Variants in KCNQ5 observed in about 807,000 individuals in gnomAD.
The protein encoded by KCNQ5 is potassium voltage-gated channel subfamily KQT member 5.
In KCNQ5, 30 loss-of-function variants were observed where a neutral mutation model predicts 98.2. The ratio of observed to expected loss-of-function variants is 0.31; its 90% CI spans 0.23 to 0.41. KCNQ5 has a LOEUF of 0.41. KCNQ5 is among the 10% of genes least tolerant of loss of function. The pLI is 1.00. For synonymous variants in KCNQ5, 458 were observed against 449.4 expected (o/e 1.02, Z -0.24); for missense variants, 835 against 1,182.5 (o/e 0.71, Z 4.31).
intron 1 of KCNQ5, among the ~76,000 whole-genome samples, chr6:72,671,563 CT>C (rs1370352321): frequency 3.9e-5 from 6 of 152,086 alleles, no homozygotes; most frequent in African/African-American, 1.4e-4. Flanking sequence ...CTTGTGCTGC[CT>C]CTTGGGCTTA....
intron 1 of KCNQ5, among the ~76,000 whole-genome samples, chr6:72,843,630 G>A (rs1389221243): frequency 6.6e-6 from 1 of 152,034 alleles, no homozygotes; most frequent in Non-Finnish European, 1.5e-5. Context: ...GTAGAAGACA[G>A]TGTGGAAATT....
intron 1 of KCNQ5, among the ~76,000 whole-genome samples, chr6:72,943,860 G>A (rs1359391379): frequency 6.6e-6 from 1 of 152,210 alleles, no homozygotes; most frequent in Non-Finnish European, 1.5e-5. Context: ...GAGAGAGAAT[G>A]ACAGATAGAT....
At chr6:72,726,386 A>AT (rs1223549765) in intron 1 of KCNQ5, among the ~76,000 whole-genome samples, 1 of 151,148 alleles carries the variant, frequency 6.6e-6, no homozygotes, top group Non-Finnish European at 1.5e-5. Flanking sequence ...AATTCCCTGT[A>AT]TTTTTTTTAG....
intron 1 of KCNQ5, among the ~76,000 whole-genome samples, chr6:72,830,648 G>A (rs1283050153): frequency 6.6e-6 from 1 of 152,112 alleles, no homozygotes; most frequent in African/African-American, 2.4e-5. Flanking sequence ...GAAAACCTCG[G>A]CAATACCGTT....
intron 1 of KCNQ5, among the ~76,000 whole-genome samples, chr6:72,762,159 A>G (rs1483622230): frequency 6.6e-6 from 1 of 152,130 alleles, no homozygotes; most frequent in African/African-American, 2.4e-5. Flanking sequence ...ATGTGCTACC[A>G]TTCCATATAG....
At chr6:72,859,214 AAT>A (rs900311782) in intron 1 of KCNQ5, among the ~76,000 whole-genome samples, 3 of 152,126 alleles carry the variant, frequency 2.0e-5, no homozygotes, top group Non-Finnish European at 2.9e-5. Flanking sequence ...GTTTTATTAT[AAT>A]AGAGTTCTAT....
intron 1 of KCNQ5, among the ~76,000 whole-genome samples, chr6:72,752,541 C>T (rs139020341): frequency 5.4e-4 from 82 of 152,134 alleles, no homozygotes; most frequent in African/African-American, 1.9e-3. Context: ...TGGCTCTGCC[C>T]CACCCATTGA....
At chr6:72,897,102 T>C (rs1403843998) in intron 1 of KCNQ5, among the ~76,000 whole-genome samples, 1 of 151,870 alleles carries the variant, frequency 6.6e-6, no homozygotes, top group East Asian at 1.9e-4. Context: ...TGGGTAACGA[T>C]GGGAAGAGCA....
chr6:72,833,666 CTTGG>C (rs1776382469), intron 1 of KCNQ5, among the ~76,000 whole-genome samples: 1 of 151,928 alleles, frequency 6.6e-6, no homozygotes, highest in African/African-American at 2.4e-5. Context: ...TTCTTCTTTG[CTTGG>C]TTGATTTCTA....
At chr6:72,764,797 C>G (rs548309661) in intron 1 of KCNQ5, among the ~76,000 whole-genome samples, 19 of 152,028 alleles carry the variant, frequency 1.2e-4, no homozygotes, top group Non-Finnish European at 2.5e-4. Flanking sequence ...TAGTAACCAT[C>G]CTTCTAGTCT....
intron 1 of KCNQ5, among the ~76,000 whole-genome samples, chr6:72,992,795 T>C (rs1451164726): frequency 9.1e-6 from 1 of 110,462 alleles, no homozygotes; most frequent in Non-Finnish European, 1.7e-5. Context: ...CAGCGGCTGG[T>C]ACCGGTTGTT....
At chr6:73,059,634 C>T (rs1252078008) in intron 3 of KCNQ5, among the ~76,000 whole-genome samples, 1 of 151,912 alleles carries the variant, frequency 6.6e-6, no homozygotes, top group Non-Finnish European at 1.5e-5. Context: ...TAAATTAGAC[C>T]ATGCTGTCTT....
At chr6:72,920,963 A>C (rs1039989306) in intron 1 of KCNQ5, among the ~76,000 whole-genome samples, 2 of 152,228 alleles carry the variant, frequency 1.3e-5, no homozygotes, top group African/African-American at 4.8e-5. Flanking sequence ...TCAATTCAAC[A>C]GACATTTATT....
chr6:73,045,347 T>G (rs764280200), intron 3 of KCNQ5, among the ~76,000 whole-genome samples: 5 of 152,218 alleles, frequency 3.3e-5, no homozygotes, highest in Non-Finnish European at 7.3e-5. Flanking sequence ...TATGTCTGCT[T>G]GGTTTTAAGC....
chr6:72,767,431 A>G (rs952195613), intron 1 of KCNQ5, among the ~76,000 whole-genome samples: 6 of 152,030 alleles, frequency 3.9e-5, no homozygotes, highest in African/African-American at 1.4e-4. Flanking sequence ...GTTTTGAGAA[A>G]GAATTATTAA....
chr6:73,019,538 A>G (rs1187160178), intron 2 of KCNQ5, among the ~76,000 whole-genome samples: 1 of 152,198 alleles, frequency 6.6e-6, no homozygotes, highest in Non-Finnish European at 1.5e-5. Context: ...CCCATAAATC[A>G]AAAGGATAAA....
intron 1 of KCNQ5, chr6:72,987,850 T>C (rs530311613): frequency 2.7e-6 from 1 of 364,716 alleles, no homozygotes; most frequent in South Asian, 3.1e-5. Flanking sequence ...CAGATCTTGG[T>C]GATGACCTTG....
intron 1 of KCNQ5, among the ~76,000 whole-genome samples, chr6:72,820,735 A>G (rs1300494694): frequency 6.6e-6 from 1 of 152,118 alleles, no homozygotes; most frequent in African/African-American, 2.4e-5. Context: ...CCCTCAAGAT[A>G]TTAATGAAAT....
intron 1 of KCNQ5, among the ~76,000 whole-genome samples, chr6:72,676,930 TA>T (rs1259444234): frequency 8.3e-6 from 1 of 119,866 alleles, no homozygotes; most frequent in Non-Finnish European, 1.7e-5. Flanking sequence ...TTGATATTTT[TA>T]GTTAGTACTT....
Sources: allele counts gnomAD v4.1 joint callset (sites outside exome capture counted in the v4.1 genomes callset), GRCh38; gene constraint gnomAD v4.1.1; transcripts MANE v1.5; gene names NCBI Gene and HGNC (gene_info 2026-07-23, HGNC 2026-07-21).